The following URI1 variants were observed in gnomAD, a reference collection of about 807,000 sequenced individuals.
The protein encoded by URI1 is unconventional prefoldin RPB5 interactor 1.
Under a neutral mutation model 60.2 loss-of-function variants are expected in URI1, and 39 were observed. The observed-to-expected ratio is 0.65, with a 90% CI of 0.50 to 0.85. URI1 has a LOEUF of 0.85. Among genes scored for constraint, URI1 ranks in the 40% least tolerant of loss-of-function variants. The pLI is 0.00. For missense variants in URI1, 691 were observed against 665.9 expected, an observed-to-expected ratio of 1.04 and a Z score of -0.42; for synonymous variants, 251 against 236.8, an observed-to-expected ratio of 1.06 and a Z score of -0.55.
chr19:29,927,560 C>CTTTTTTTTTT lies in URI1; in HGVS notation c.63+3823_63+3832dup, dbSNP rs3049080. ...TACAAGCATGAGCCACTGCACCCGG[C>CTTTTTTTTTT]TTTTTTTTTTTTTTTTTTTTTTTTT... is the stretch of plus-strand genomic sequence containing the variant. On this transcript the variant is annotated intron_variant, in intron 1 of 10. Transcript: ENST00000360605. 6.3e-3 allele frequency among the ~76,000 whole-genome samples: 250 copies of CTTTTTTTTTT among 39,812 alleles called. 30 individuals carry two copies. The highest frequency in any genetic ancestry group is 0.026 in the East Asian group (21 of 812). 26.1% of individuals were successfully genotyped at this position (39,812 alleles called of 152,430 possible). A position where few individuals can be genotyped will look rare whatever the true frequency, so the allele number is the denominator to read the frequency against.
At chr19:29,956,418 A>G in intron 1 of URI1, 2 of 1,555,134 alleles carry the variant, frequency 1.3e-6, no homozygotes, top group Non-Finnish European at 1.7e-6. Flanking sequence ...GATCTGATTC[A>G]TCAACCTGCT....
At chr19:29,962,442 A>T (rs868042270) in intron 1 of URI1, among the ~76,000 whole-genome samples, 3 of 148,366 alleles carry the variant, frequency 2.0e-5, no homozygotes, top group African/African-American at 7.5e-5. Flanking sequence ...TTCACTAAGT[A>T]AGTCTCTGGT....
chr19:29,933,196 G>A (rs1048056682), intron 1 of URI1, among the ~76,000 whole-genome samples: 1 of 152,142 alleles, frequency 6.6e-6, no homozygotes, highest in Non-Finnish European at 1.5e-5. Flanking sequence ...AGAAGGATTT[G>A]TGTTACTTCT....
chr19:29,956,646 T>C, intron 1 of URI1: 1 of 1,521,270 alleles, frequency 6.6e-7, no homozygotes, highest in Non-Finnish European at 9.1e-7. Flanking sequence ...CCAAGAAATT[T>C]CGGATTTCAA....
At chr19:29,935,619 G>A (rs335019) in intron 1 of URI1, among the ~76,000 whole-genome samples, 126,662 of 151,526 alleles carry the variant, frequency 0.84, 53,482 homozygotes, top group Non-Finnish European at 0.9. Flanking sequence ...CTTTCTCTGC[G>A]TTTATTTATC....
At chr19:29,936,875 C>T (rs1423674135) in intron 1 of URI1, among the ~76,000 whole-genome samples, 1 of 152,130 alleles carries the variant, frequency 6.6e-6, no homozygotes, top group Non-Finnish European at 1.5e-5. Flanking sequence ...GCCTCAGCCT[C>T]CCCAGCAGCT....
chr19:29,976,480 A>G (rs969076849), intron 2 of URI1, among the ~76,000 whole-genome samples: 6 of 152,218 alleles, frequency 3.9e-5, no homozygotes, highest in East Asian at 3.8e-4. Context: ...TCTCAGCAGC[A>G]AGAATGGAAG....
At chr19:30,008,656 G>T (rs1459858316) in intron 7 of URI1, among the ~76,000 whole-genome samples, 1 of 151,716 alleles carries the variant, frequency 6.6e-6, no homozygotes, top group African/African-American at 2.4e-5. Context: ...TGTATTATGT[G>T]GTTTCAATTT....
chr19:29,954,816 CCTA>C (rs988616239), intron 1 of URI1, among the ~76,000 whole-genome samples: 1 of 152,062 alleles, frequency 6.6e-6, no homozygotes, highest in African/African-American at 2.4e-5. Context: ...CCACAGCCGG[CCTA>C]GATAACCATT....
At chr19:29,925,963 A>C (rs1399863518) in intron 1 of URI1, 1 of 152,194 alleles carries the variant, frequency 6.6e-6, no homozygotes. Context: ...AAAGGATTGG[A>C]AGTTGGAATA....
chr19:29,954,510 A>AC (rs2055218800), intron 1 of URI1, among the ~76,000 whole-genome samples: 1 of 92,650 alleles, frequency 1.1e-5, no homozygotes, highest in South Asian at 3.5e-4. Flanking sequence ...CTACAGATAA[A>AC]CTTTTTTTTT....
chr19:29,996,928 C>T (rs910435694), intron 4 of URI1, among the ~76,000 whole-genome samples: 2 of 152,062 alleles, frequency 1.3e-5, no homozygotes, highest in African/African-American at 4.8e-5. Context: ...ATGTTGAACC[C>T]ATCCTTGCAT....
At chr19:29,974,685 T>G (rs1236910159) in intron 2 of URI1, among the ~76,000 whole-genome samples, 1 of 152,152 alleles carries the variant, frequency 6.6e-6, no homozygotes, top group Non-Finnish European at 1.5e-5. Flanking sequence ...ATTGAACCCA[T>G]CACCCAGATA....
At chr19:30,003,745 C>A (rs1288669720) in intron 4 of URI1, among the ~76,000 whole-genome samples, 2 of 151,958 alleles carry the variant, frequency 1.3e-5, no homozygotes, top group Non-Finnish European at 2.9e-5. Flanking sequence ...AGCTTAGTTG[C>A]ACAGTATTTA....
intron 2 of URI1, among the ~76,000 whole-genome samples, chr19:29,977,185 A>C (rs1045397254): frequency 1.3e-5 from 2 of 151,110 alleles, no homozygotes; most frequent in African/African-American, 4.9e-5. Context: ...GTCGGGATGG[A>C]GATACCTGCT....
intron 2 of URI1, among the ~76,000 whole-genome samples, chr19:29,980,612 TA>T (rs71333427): frequency 0.054 from 4,016 of 73,748 alleles, 130 homozygotes; most frequent in East Asian, 0.2. Flanking sequence ...TTTTTTTTCT[TA>T]AAAAAAAAAA....
chr19:29,953,685 T>G (rs956840544), intron 1 of URI1, among the ~76,000 whole-genome samples: 7 of 82,500 alleles, frequency 8.5e-5, no homozygotes, highest in African/African-American at 2.6e-4. Context: ...TCTCATTTTC[T>G]TATTAGTTTT....
At chr19:29,985,169 A>ATAGTT in intron 2 of URI1, 54 bp from the exon 3 acceptor site, 1 of 240,956 alleles carries the variant, frequency 4.2e-6, no homozygotes, top group Non-Finnish European at 8.0e-6. Flanking sequence ...AAAAAAAAAA[A>ATAGTT]AAAAAAAAGA....
At position 30,012,306 on chromosome 19, in the gene URI1, TG is replaced by T; in HGVS notation, c.1202del (p.Gly401GlufsTer10). The T allele has an allele frequency of 6.2e-7, 1 of 1,613,738 alleles. No individual in the cohort carries two copies. Among genetic ancestry groups the T allele is most frequent in the Non-Finnish European group, 8.5e-7 (1 of 1,179,646 alleles). Reference protein sequence around the residue: ...IYRAFVDVVNGEYVPRKSILK... With the variant: ...IYRAFVDVVNXEYVPRKSILK... ...ACAGAGCCTTTGTTGATGTTGTGAA[TG>T]GAGAATATGTCCCTCGCAAATCCAT... On this transcript the variant is annotated frameshift_variant, in exon 10 of 11. Transcript: ENST00000392271. LOFTEE classifies it high-confidence loss of function.
Sources: allele counts gnomAD v4.1 joint callset (sites outside exome capture counted in the v4.1 genomes callset), GRCh38; gene constraint gnomAD v4.1.1; transcripts MANE v1.5; gene names NCBI Gene and HGNC (gene_info 2026-07-23, HGNC 2026-07-21).